PDE4D: variants seen among roughly 807,000 people sequenced by gnomAD.
The protein encoded by PDE4D is phosphodiesterase 4D.
A neutral mutation model predicts 87.4 loss-of-function variants in PDE4D; 24 were observed. The ratio of observed to expected loss-of-function variants is 0.27; its 90% confidence interval spans 0.20 to 0.39. The LOEUF (loss-of-function observed/expected upper bound fraction) is 0.39. PDE4D is among the 10% of genes least tolerant of loss of function. The pLI is 1.00. For missense variants in PDE4D, 714 were observed against 1,041.0 expected (o/e 0.69, Z 4.32); for synonymous variants, 384 against 383.2 (o/e 1.00, Z -0.02).
intron 3 of PDE4D, among the ~76,000 whole-genome samples, chr5:59,920,613 A>G (rs1009490704): frequency 2.0e-5 from 3 of 152,160 alleles, no homozygotes; most frequent in Admixed American, 6.5e-5. Flanking sequence ...CTGGAGCCAC[A>G]TTATCCAGGC....
At chr5:59,644,170 G>T (rs1742072219) in intron 1 of PDE4D, among the ~76,000 whole-genome samples, 1 of 152,188 alleles carries the variant, frequency 6.6e-6, no homozygotes, top group Non-Finnish European at 1.5e-5. Flanking sequence ...GCTGGATGTT[G>T]CATGTTCTCT....
At chr5:59,467,307 C>T (rs1463018959) in intron 1 of PDE4D, among the ~76,000 whole-genome samples, 1 of 152,048 alleles carries the variant, frequency 6.6e-6, no homozygotes, top group Non-Finnish European at 1.5e-5. Context: ...TGTTCAAAGA[C>T]TTGAGGAAAG....
intron 1 of PDE4D, among the ~76,000 whole-genome samples, chr5:59,342,982 G>C (rs1376110408): frequency 1.1e-5 from 1 of 89,358 alleles, no homozygotes. Flanking sequence ...TTTTTTTTTT[G>C]GTTTTGTTAT....
intron 1 of PDE4D, among the ~76,000 whole-genome samples, chr5:59,851,376 A>G (rs1744640517): frequency 6.6e-6 from 1 of 152,070 alleles, no homozygotes; most frequent in Non-Finnish European, 1.5e-5. Flanking sequence ...TATTGTTTTA[A>G]GCCACTAAGT....
intron 3 of PDE4D, among the ~76,000 whole-genome samples, chr5:59,942,896 C>A (rs1047588441): frequency 9.2e-5 from 14 of 151,638 alleles, no homozygotes; most frequent in African/African-American, 3.1e-4. Context: ...TTGGCAATGT[C>A]TAGAGACAAC....
chr5:59,243,404 C>T (rs13356176), intron 1 of PDE4D, among the ~76,000 whole-genome samples: 1 of 138,084 alleles, frequency 7.2e-6, no homozygotes, highest in Non-Finnish European at 1.6e-5. Flanking sequence ...AATGTTTTCC[C>T]TTTTTTAAAA....
At chr5:59,183,387 T>A (rs1035102002) in intron 4 of PDE4D, among the ~76,000 whole-genome samples, 4 of 152,162 alleles carry the variant, frequency 2.6e-5, no homozygotes, top group African/African-American at 9.7e-5. Context: ...CATCCCTGTA[T>A]GTCAGCTGAA....
chr5:60,122,527 C>G (rs1168150773), intron 2 of PDE4D, among the ~76,000 whole-genome samples: 1 of 152,236 alleles, frequency 6.6e-6, no homozygotes, highest in Non-Finnish European at 1.5e-5. Context: ...GAAGCCATAG[C>G]ACGAGCTGTA....
intron 1 of PDE4D, among the ~76,000 whole-genome samples, chr5:60,433,330 T>G (rs1744507735): frequency 6.6e-6 from 1 of 152,190 alleles, no homozygotes. Flanking sequence ...ATACTCATCA[T>G]CACTAATCAT....
intron 1 of PDE4D, among the ~76,000 whole-genome samples, chr5:60,479,014 T>C (rs1489781284): frequency 6.6e-6 from 1 of 152,130 alleles, no homozygotes; most frequent in Non-Finnish European, 1.5e-5. Flanking sequence ...CCCACCTCTG[T>C]TTTACAGGCA....
At chr5:59,167,631 C>A (rs1782109671) in intron 5 of PDE4D, among the ~76,000 whole-genome samples, 1 of 152,172 alleles carries the variant, frequency 6.6e-6, no homozygotes, top group Non-Finnish European at 1.5e-5. Flanking sequence ...AACAATCTCA[C>A]CTGCATCTGC....
chr5:60,202,913 A>G (rs902738514), intron 1 of PDE4D, among the ~76,000 whole-genome samples: 2 of 152,192 alleles, frequency 1.3e-5, no homozygotes, highest in Admixed American at 1.3e-4. Flanking sequence ...ATCAGTATGA[A>G]AAAAAGACAC....
At chr5:59,568,281 G>A (rs1323025707) in intron 1 of PDE4D, among the ~76,000 whole-genome samples, 1 of 152,292 alleles carries the variant, frequency 6.6e-6, no homozygotes, top group East Asian at 1.9e-4. Context: ...TAGTATGACA[G>A]TAGTGGATTA....
intron 6 of PDE4D, among the ~76,000 whole-genome samples, chr5:59,020,834 T>C (rs1031612623): frequency 6.6e-6 from 1 of 152,174 alleles, no homozygotes; most frequent in Non-Finnish European, 1.5e-5. Context: ...TTCCTTCTCT[T>C]ACCGGCTGTG....
At chr5:59,245,373 T>A (rs11747413) in intron 1 of PDE4D, among the ~76,000 whole-genome samples, 11,444 of 152,150 alleles carry the variant, frequency 0.075, 565 homozygotes, top group Non-Finnish European at 0.11. Context: ...AAATAAGCAA[T>A]ATCATATAAG....
chr5:59,253,476 C>T (rs376223176), intron 1 of PDE4D, among the ~76,000 whole-genome samples: 17 of 152,036 alleles, frequency 1.1e-4, no homozygotes, highest in African/African-American at 4.1e-4. Context: ...AAACTCCCTC[C>T]ACCTGCAAAC....
chr5:59,327,415 T>TG (rs1472111590), intron 1 of PDE4D, among the ~76,000 whole-genome samples: 1 of 152,010 alleles, frequency 6.6e-6, no homozygotes, highest in Non-Finnish European at 1.5e-5. Flanking sequence ...CCCAGGAGAC[T>TG]GGGGGAAGGA....
At chr5:59,600,651 T>TA (rs1827366731) in intron 1 of PDE4D, among the ~76,000 whole-genome samples, 1 of 152,174 alleles carries the variant, frequency 6.6e-6, no homozygotes, top group Non-Finnish European at 1.5e-5. Flanking sequence ...GTAATCCAGT[T>TA]AGACAGCAGA....
intron 1 of PDE4D, among the ~76,000 whole-genome samples, chr5:59,603,000 T>C (rs1193745281): frequency 1.1e-4 from 16 of 152,032 alleles, no homozygotes; most frequent in Admixed American, 1.0e-3. Context: ...AGAATAAATA[T>C]AAACCTTTAT....
Sources: gnomAD v4.1 joint callset for allele counts (sites outside exome capture counted in the v4.1 genomes callset) on GRCh38, gnomAD v4.1.1 for gene constraint, MANE v1.5 for transcripts, NCBI Gene and HGNC (gene_info 2026-07-23, HGNC 2026-07-21) for gene names.